The following GABRA3 variants were observed in gnomAD, a reference collection of about 807,000 sequenced individuals.
GABRA3 encodes the protein gamma-aminobutyric acid type A receptor subunit alpha3, also known as gamma-aminobutyric acid receptor subunit alpha-3.
A neutral mutation model predicts 30.1 loss-of-function variants in GABRA3; 10 were observed. The ratio of observed to expected loss-of-function variants is 0.33; its 90% CI spans 0.20 to 0.56. The LOEUF is 0.56. GABRA3 is among the 20% of genes least tolerant of loss of function. The pLI is 0.89. For missense variants in GABRA3, 233 were observed against 392.0 expected (o/e 0.59, Z 3.42); for synonymous variants, 151 against 146.8 (o/e 1.03, Z -0.21).
At chrX:152,200,187 A>C (rs1052833630) in intron 7 of GABRA3, among the ~76,000 whole-genome samples, 4 of 111,913 alleles carry the variant, frequency 3.6e-5, no homozygotes, top group East Asian at 2.8e-4. Context: ...GACCCTTGCG[A>C]TATGCCTGCT....
rs1346952779 is a variant in GABRA3, at chrX:152,298,428, A to T, written c.263-13693T>A. ...TGTGATGTTCCCCTTCCTGTGTCCA[A>T]GTGTTCTCATTGTTCAATTCCCACC... On this transcript the variant is annotated intron_variant, in intron 3 of 9. Coordinates refer to ENST00000370314, the MANE Select transcript of GABRA3 (RefSeq NM_000808.4). Among the ~76,000 whole-genome samples, 18 of 104,137 alleles carry T rather than the reference A, an allele frequency of 1.7e-4. 1 individual carries two copies. The highest frequency in any genetic ancestry group is 3.0e-4 in the East Asian group (1 of 3,326). 90.4% of individuals were successfully genotyped at this position (104,137 alleles called of 115,157 possible). A position where few individuals can be genotyped will look rare whatever the true frequency, so the allele number is the denominator to read the frequency against.
intron 9 of GABRA3, among the ~76,000 whole-genome samples, chrX:152,177,248 A>G (rs1028682860): frequency 8.9e-6 from 1 of 111,770 alleles, no homozygotes; most frequent in Non-Finnish European, 1.9e-5. Context: ...GGGTCATTCA[A>G]TGAAGAAGCT....
intron 1 of GABRA3, among the ~76,000 whole-genome samples, chrX:152,446,416 T>C (rs1931087643): frequency 9.0e-6 from 1 of 111,328 alleles, no homozygotes; most frequent in Admixed American, 9.5e-5. Flanking sequence ...AAATGTTATG[T>C]ATGCAAGAAA....
At chrX:152,179,534 G>A (rs1430887433) in intron 9 of GABRA3, among the ~76,000 whole-genome samples, 14 of 101,552 alleles carry the variant, frequency 1.4e-4, no homozygotes, top group Admixed American at 1.0e-3. Flanking sequence ...TCGCTCTGTC[G>A]CTCAGGCTGG....
intron 6 of GABRA3, among the ~76,000 whole-genome samples, chrX:152,221,204 G>A (rs1163822520): frequency 9.0e-6 from 1 of 111,024 alleles, no homozygotes; most frequent in Non-Finnish European, 1.9e-5. Context: ...ACTCTCTTAT[G>A]CTTTCTTCTA....
intron 1 of GABRA3, among the ~76,000 whole-genome samples, chrX:152,387,945 C>T (rs978207388): frequency 2.7e-5 from 3 of 111,086 alleles, no homozygotes; most frequent in Non-Finnish European, 5.7e-5. Context: ...TAGGAATCTA[C>T]TGGACAGAAA....
intron 3 of GABRA3, among the ~76,000 whole-genome samples, chrX:152,332,677 GA>G (rs1406118943): frequency 8.9e-6 from 1 of 111,955 alleles, no homozygotes; most frequent in African/African-American, 3.2e-5. Flanking sequence ...AGAACGGACT[GA>G]CCTCTTGGTC....
At chrX:152,385,029 T>C (rs1353576960) in intron 1 of GABRA3, among the ~76,000 whole-genome samples, 1 of 111,432 alleles carries the variant, frequency 9.0e-6, no homozygotes, top group East Asian at 2.8e-4. Flanking sequence ...TAATGAAAAT[T>C]AGAAATTTAG....
At chrX:152,412,068 G>GA (rs1201031783) in intron 1 of GABRA3, among the ~76,000 whole-genome samples, 1 of 110,830 alleles carries the variant, frequency 9.0e-6, no homozygotes, top group Non-Finnish European at 1.9e-5. Context: ...ACAAGCACAC[G>GA]AAAAAATGTT....
At chrX:152,276,071 C>A (rs1423649681) in intron 4 of GABRA3, among the ~76,000 whole-genome samples, 1 of 109,629 alleles carries the variant, frequency 9.1e-6, no homozygotes, top group Non-Finnish European at 1.9e-5. Context: ...TTAATACAGG[C>A]CAAAGGAAGA....
rs376768019 is a variant in GABRA3 at position 152,232,822 on chromosome X, G to A, written c.552-7977C>T. Among the ~76,000 whole-genome samples, 8 of 110,197 alleles carry A rather than the reference G, an allele frequency of 7.3e-5. No homozygotes were observed. In the East Asian group the frequency reaches 1.7e-3, roughly 24 times the overall value. ...TTTTGATATAATGATTTGTCTTTGT[G>A]TAGATACCCAAGAGCGAGACTACTG... On this transcript the variant is annotated intron_variant, in intron 5 of 9. Transcript: ENST00000370314.
At chrX:152,299,029 T>C (rs964984547) in intron 3 of GABRA3, among the ~76,000 whole-genome samples, 1 of 112,070 alleles carries the variant, frequency 8.9e-6, no homozygotes, top group Admixed American at 9.5e-5. Context: ...TACACTGTCG[T>C]TCCTAAGAAG....
intron 3 of GABRA3, among the ~76,000 whole-genome samples, chrX:152,296,636 C>T (rs1386245092): frequency 2.7e-5 from 3 of 111,055 alleles, no homozygotes; most frequent in African/African-American, 9.8e-5. Context: ...ATGCTATTCC[C>T]TCTAGTGTCT....
chrX:152,227,731 C>A (rs182521228), intron 5 of GABRA3, among the ~76,000 whole-genome samples: 135 of 109,040 alleles, frequency 1.2e-3, no homozygotes, highest in African/African-American at 4.3e-3. Flanking sequence ...CCTATAGTGA[C>A]CCTGTGAGGG....
intron 5 of GABRA3, among the ~76,000 whole-genome samples, chrX:152,235,557 G>A (rs756687708): frequency 1.7e-4 from 16 of 94,227 alleles, no homozygotes; most frequent in Admixed American, 2.4e-4. Context: ...CAGAATCAAC[G>A]GGAAAAATTC....
chrX:152,242,809 C>A (rs1420924503), intron 5 of GABRA3, among the ~76,000 whole-genome samples: 1 of 111,808 alleles, frequency 8.9e-6, no homozygotes, highest in Non-Finnish European at 1.9e-5. Context: ...TATGGAGGTT[C>A]CTCAAAAATT....
At chrX:152,416,695 G>C (rs1353825909) in intron 1 of GABRA3, among the ~76,000 whole-genome samples, 13 of 110,869 alleles carry the variant, frequency 1.2e-4, no homozygotes, top group African/African-American at 3.3e-4. Flanking sequence ...CAATGGAACA[G>C]AACAGAGCCC....
At chrX:152,312,874 G>T (rs187153884) in intron 3 of GABRA3, among the ~76,000 whole-genome samples, 246 of 111,872 alleles carry the variant, frequency 2.2e-3, no homozygotes, top group Admixed American at 4.0e-3. Context: ...ACAGGCATAT[G>T]AAAAAATGCT....
chrX:152,173,263 G>A (rs1319569557), intron 9 of GABRA3, among the ~76,000 whole-genome samples: 1 of 109,504 alleles, frequency 9.1e-6, no homozygotes, highest in African/African-American at 3.3e-5. Context: ...GTTATCTAGA[G>A]CATAAGTGTG....
Sources: gnomAD v4.1 joint callset for allele counts (sites outside exome capture counted in the v4.1 genomes callset) on GRCh38, gnomAD v4.1.1 for gene constraint, MANE v1.5 for transcripts, NCBI Gene and HGNC (gene_info 2026-07-23, HGNC 2026-07-21) for gene names.